PPL: variants seen among roughly 807,000 people sequenced by gnomAD.
PPL encodes the protein periplakin.
Under a neutral mutation model 194.4 loss-of-function variants are expected in PPL, and 198 were observed. The ratio of observed to expected loss-of-function variants is 1.02; its 90% CI spans 0.91 to 1.15. The LOEUF (loss-of-function observed/expected upper bound fraction) is 1.15, where lower values mean the gene tolerates loss of function less well. Ranked by LOEUF, PPL falls within the 50% of genes most tolerant of loss-of-function variation. The pLI is 0.00. For synonymous variants in PPL, 1,220 were observed against 972.4 expected, an observed-to-expected ratio of 1.25 and a Z score of -4.74; for missense variants, 2,885 against 2,294.8, an observed-to-expected ratio of 1.26 and a Z score of -5.25.
At chr16:4,895,787 A>C in intron 9 of PPL, 71 bp from the exon 10 acceptor site, 1 of 1,604,648 alleles carries the variant, frequency 6.2e-7, no homozygotes, top group Non-Finnish European at 8.5e-7. Context: ...CGGAGGCTTC[A>C]AGCTCATCCC....
intron 2 of PPL, among the ~76,000 whole-genome samples, chr16:4,905,469 CAA>C (rs2088663823): frequency 6.6e-6 from 1 of 152,158 alleles, no homozygotes; most frequent in Non-Finnish European, 1.5e-5. Flanking sequence ...TAAATAGGCA[CAA>C]GAGATCTTGC....
At chr16:4,909,960 T>G (rs2088785818) in intron 2 of PPL, among the ~76,000 whole-genome samples, 1 of 152,248 alleles carries the variant, frequency 6.6e-6, no homozygotes, top group African/African-American at 2.4e-5. Context: ...AGGCCGATGC[T>G]GGCACCATCT....
intron 1 of PPL, among the ~76,000 whole-genome samples, chr16:4,916,119 A>G (rs551430793): frequency 3.0e-4 from 45 of 152,380 alleles, no homozygotes; most frequent in African/African-American, 1.1e-3. Context: ...AAAATGGTGT[A>G]CAGTTGTGGA....
intron 20 of PPL, among the ~76,000 whole-genome samples, chr16:4,887,528 G>A (rs1247977776): frequency 6.6e-6 from 1 of 152,172 alleles, no homozygotes; most frequent in Non-Finnish European, 1.5e-5. Flanking sequence ...GCCCTCCACT[G>A]TACTTACTGA....
Position 4,895,732 on chromosome 16 carries a change from GCT to G in PPL, c.973-18_973-17del, listed in dbSNP as rs1292224899. The G allele has an allele frequency of 2.5e-6, 4 of 1,613,640 alleles. No individual in the cohort carries two copies. The highest frequency in any genetic ancestry group is 3.4e-6 in the Non-Finnish European group (4 of 1,179,982). ...CTTCGTGAAACTAGGGGAGAAGGTG[GCT>G]CTGTTACAGCCAGGAAACCACTAGA... is the stretch of plus-strand genomic sequence containing the variant. On this transcript the variant is annotated splice_polypyrimidine_tract_variant and intron_variant, in intron 9 of 21. Coordinates refer to ENST00000345988, the MANE Select transcript of PPL (RefSeq NM_002705.5).
Position 4,890,213 on chromosome 16 carries a change from G to A in PPL, c.2284C>T (p.Gln762Ter). ...TGGTTCTTCAGCTTGGTCTCCATCTGGCTGAGGCTGTCTGTCTCCTGGGGC... is the reference window on the plus strand; with the variant it reads ...TGGTTCTTCAGCTTGGTCTCCATCTAGCTGAGGCTGTCTGTCTCCTGGGGC... Reference protein sequence around the residue: ...YEPQETDSLSQMETKLKNQKN... With the variant: ...YEPQETDSLS Residue 762 changes from glutamine (Q) to a stop codon, truncating the protein, a stop_gained, in exon 18 of 22, where the codon CAG (glutamine) becomes TAG (stop). Transcript: ENST00000345988. LOFTEE classifies it high-confidence loss of function. 1 of 1,614,192 alleles carries A rather than the reference G, an allele frequency of 6.2e-7. No individual in the cohort carries two copies. Among genetic ancestry groups the A allele is most frequent in the Non-Finnish European group, 8.5e-7 (1 of 1,180,042 alleles).
intron 1 of PPL, among the ~76,000 whole-genome samples, chr16:4,936,331 G>T (rs2089297805): frequency 1.3e-5 from 2 of 152,098 alleles, no homozygotes; most frequent in South Asian, 2.1e-4. Flanking sequence ...CTCCCCCTGT[G>T]CCCCTCGACC....
chr16:4,901,469 G>A (rs1047491827), intron 4 of PPL, among the ~76,000 whole-genome samples: 6 of 152,094 alleles, frequency 3.9e-5, no homozygotes, highest in Non-Finnish European at 8.8e-5. Flanking sequence ...GGGTCGGATC[G>A]CTTGAGCCCA....
At chr16:4,891,756 C>T (rs936186148) in intron 16 of PPL, 55 bp downstream of exon 16, 2 of 1,543,208 alleles carry the variant, frequency 1.3e-6, no homozygotes, top group Non-Finnish European at 1.7e-6. Flanking sequence ...GTGGATGTGC[C>T]AGATGCTCTC....
chr16:4,893,843 G>C (rs1172404150), intron 12 of PPL: 8 of 575,600 alleles, frequency 1.4e-5, no homozygotes, highest in East Asian at 2.8e-5. Context: ...CTCTTTCGTA[G>C]GAAGTCTCAC....
At chr16:4,918,776 G>A (rs1329945184) in intron 1 of PPL, among the ~76,000 whole-genome samples, 1 of 152,310 alleles carries the variant, frequency 6.6e-6, no homozygotes, top group African/African-American at 2.4e-5. Context: ...CTGGCCGCAG[G>A]AATCAACCAT....
rs372841654 is a variant in PPL, at chr16:4,902,490, G to A, written c.354C>T (p.Arg118=). 104 of 1,613,730 alleles carry A rather than the reference G, an allele frequency of 6.4e-5. No individual in the cohort carries two copies. The highest frequency in any genetic ancestry group is 2.0e-4 in the South Asian group (18 of 90,990). Residue 118 remains arginine, a synonymous_variant, in exon 4 of 22, where the codon CGC becomes CGT. Transcript: ENST00000345988. The surrounding 1 kb of genome is among the most constrained non-coding windows in gnomAD (Gnocchi z 4.0). ...RQLKERVTNL[R]GKHKQIYRLA... is the part of the protein sequence containing the mutation. Reference sequence around the variant, plus strand: ...GCCTGTAGATCTGCTTGTGTTTCCCGCGCAGGTTGGTCACACGCTCCTTCA... The same window carrying A: ...GCCTGTAGATCTGCTTGTGTTTCCCACGCAGGTTGGTCACACGCTCCTTCA...
chr16:4,906,111 C>A (rs1332247941), intron 2 of PPL, among the ~76,000 whole-genome samples: 1 of 152,120 alleles, frequency 6.6e-6, no homozygotes, highest in Admixed American at 6.5e-5. Flanking sequence ...CTACCTCAAA[C>A]CAACCAATCC....
At chr16:4,901,977 T>A (rs1453870377) in intron 4 of PPL, among the ~76,000 whole-genome samples, 2 of 150,456 alleles carry the variant, frequency 1.3e-5, no homozygotes, top group Admixed American at 6.6e-5. Flanking sequence ...AATAAATAAA[T>A]AAAACTGGGG....
At chr16:4,913,581 G>C (rs2088861279) in intron 1 of PPL, among the ~76,000 whole-genome samples, 1 of 152,214 alleles carries the variant, frequency 6.6e-6, no homozygotes, top group Non-Finnish European at 1.5e-5. Context: ...CTGTCACCCA[G>C]GCTGGAAGTG....
chr16:4,886,138 G>A, intron 21 of PPL, 91 bp from the exon 22 acceptor site: 2 of 1,505,064 alleles, frequency 1.3e-6, no homozygotes, highest in Non-Finnish European at 1.8e-6. Flanking sequence ...CTGTCCTGTG[G>A]TCCCCAAGGG....
intron 12 of PPL, 38 bp from the exon 13 acceptor site, chr16:4,893,676 C>T: frequency 5.3e-6 from 8 of 1,519,064 alleles, no homozygotes; most frequent in Non-Finnish European, 6.2e-6. Context: ...CTGGGCAGCC[C>T]ACCACCCCCT....
At chr16:4,933,133 C>T (rs2089247175) in intron 1 of PPL, among the ~76,000 whole-genome samples, 1 of 152,004 alleles carries the variant, frequency 6.6e-6, no homozygotes, top group Non-Finnish European at 1.5e-5. Flanking sequence ...TCCTGAGTAG[C>T]TGGGACTACA....
chr16:4,935,077 G>C (rs1051635420), intron 1 of PPL, among the ~76,000 whole-genome samples: 1 of 152,188 alleles, frequency 6.6e-6, no homozygotes, highest in Non-Finnish European at 1.5e-5. Context: ...ATGGCTATCA[G>C]CCTAGGACAG....
Sources: gnomAD v4.1 joint callset for allele counts (sites outside exome capture counted in the v4.1 genomes callset) on GRCh38, gnomAD v4.1.1 for gene constraint, Gnocchi (gnomAD v3.1) non-coding constraint, MANE v1.5 for transcripts, NCBI Gene and HGNC (gene_info 2026-07-23, HGNC 2026-07-21) for gene names.